Variants in SMAP1 observed in about 807,000 individuals in gnomAD.
SMAP1 encodes stromal membrane-associated protein 1.
SMAP1 carries 24 observed loss-of-function variants against 58.5 expected under a neutral mutation model. The observed-to-expected ratio is 0.41, with a 90% confidence interval of 0.30 to 0.58. SMAP1 has a LOEUF of 0.58. SMAP1 is among the 20% of genes least tolerant of loss of function. SMAP1 has a pLI of 0.29. For synonymous variants in SMAP1, 216 were observed against 196.6 expected, an observed-to-expected ratio of 1.10 and a Z score of -0.82; for missense variants, 563 against 566.3, an observed-to-expected ratio of 0.99 and a Z score of 0.06.
Position 70,667,985 on chromosome 6 carries a change from C to T in SMAP1, c.-39C>T, listed in dbSNP as rs1254821622. 3.3e-6 allele frequency: 5 copies of T among 1,534,496 alleles called. No individual in the cohort carries two copies. The highest frequency in any genetic ancestry group is 4.4e-6 in the Non-Finnish European group (5 of 1,137,302). Reference sequence around the variant, plus strand: ...GCCCGGCTCCAGCCAGCGTCCGCCGCCGCCGTAGCTGCCCCAGGCTCCCCG... The same window carrying T: ...GCCCGGCTCCAGCCAGCGTCCGCCGTCGCCGTAGCTGCCCCAGGCTCCCCG... On this transcript the variant is annotated 5_prime_UTR_variant, in exon 1 of 11. Coordinates refer to ENST00000370455, the MANE Select transcript of SMAP1 (RefSeq NM_001044305.3).
chr6:70,848,769 TA>T (rs1771081127), intron 7 of SMAP1, among the ~76,000 whole-genome samples: 1 of 152,202 alleles, frequency 6.6e-6, no homozygotes. Context: ...CACTGAAAAT[TA>T]AAAACACAAT....
At chr6:70,816,843 A>G (rs1769650430) in intron 6 of SMAP1, among the ~76,000 whole-genome samples, 1 of 152,170 alleles carries the variant, frequency 6.6e-6, no homozygotes, top group African/African-American at 2.4e-5. Flanking sequence ...AAAACTAATG[A>G]TTAGGCGTTA....
chr6:70,780,658 G>A (rs939428066), intron 4 of SMAP1, among the ~76,000 whole-genome samples: 5 of 152,200 alleles, frequency 3.3e-5, no homozygotes, highest in Non-Finnish European at 1.5e-5. Flanking sequence ...ACAATGGGAA[G>A]CAAAGTATTT....
intron 6 of SMAP1, among the ~76,000 whole-genome samples, chr6:70,804,847 T>G (rs1462709842): frequency 6.6e-6 from 1 of 152,202 alleles, no homozygotes; most frequent in East Asian, 1.9e-4. Context: ...TGGCCTATAG[T>G]GTTTCTGCTG....
At chr6:70,754,934 CTT>C (rs764351540) in intron 2 of SMAP1, 44 bp from the exon 3 acceptor site, 1 of 1,258,676 alleles carries the variant, frequency 7.9e-7, no homozygotes, top group Non-Finnish European at 1.1e-6. Flanking sequence ...GCAGGAATCA[CTT>C]TTTAATGTTT....
At chr6:70,846,870 T>C (rs1771009477) in intron 7 of SMAP1, among the ~76,000 whole-genome samples, 1 of 152,146 alleles carries the variant, frequency 6.6e-6, no homozygotes. Flanking sequence ...GGGTGCACCA[T>C]TGAGACCCGT....
rs115449944 is a variant in SMAP1 at position 70,828,105 on chromosome 6, A to G, written c.577-8836A>G. 3.9e-3 allele frequency among the ~76,000 whole-genome samples: 597 copies of G among 152,266 alleles called. 3 individuals carry two copies. Among genetic ancestry groups the G allele is most frequent in the African/African-American group, 0.014 (581 of 41,574 alleles). On this transcript the variant is annotated intron_variant, in intron 6 of 10. Coordinates refer to ENST00000370455, the MANE Select transcript of SMAP1 (RefSeq NM_001044305.3). ...CAGTTTTGAAAGCATACAAATACAA[A>G]CAGATATAGTAATTATAGCTATCAA...
At chr6:70,802,902 GT>G (rs1562172063) in intron 6 of SMAP1, among the ~76,000 whole-genome samples, 1 of 152,040 alleles carries the variant, frequency 6.6e-6, no homozygotes, top group Admixed American at 6.5e-5. Context: ...GCTGGATTCG[GT>G]TTGCCAGTAT....
At chr6:70,852,210 T>A (rs1457485685) in intron 7 of SMAP1, among the ~76,000 whole-genome samples, 2 of 152,074 alleles carry the variant, frequency 1.3e-5, no homozygotes, top group African/African-American at 4.8e-5. Flanking sequence ...GAACAGTGCC[T>A]GGCATATAGG....
chr6:70,668,200 G>T (rs1766111304), intron 1 of SMAP1, 59 bp downstream of exon 1: 4 of 1,453,016 alleles, frequency 2.8e-6, no homozygotes, highest in Non-Finnish European at 2.8e-6. Context: ...TGACCTTCCC[G>T]CCGCTGCGGC....
chr6:70,851,427 A>G (rs1183649215), intron 7 of SMAP1, among the ~76,000 whole-genome samples: 2 of 152,222 alleles, frequency 1.3e-5, no homozygotes, highest in African/African-American at 4.8e-5. Flanking sequence ...TACCCCATTC[A>G]TTGTTGAAAA....
Position 70,769,350 on chromosome 6 carries a change from G to A in SMAP1, c.339-4000G>A, listed in dbSNP as rs998740068. On this transcript the variant is annotated intron_variant, in intron 3 of 10. Transcript: ENST00000370455. ...TGATCTGTCTAATGTTGACAGTGGG[G>A]TGTTAAAGTCTCCCATTATTATTGT... 2.4e-4 allele frequency among the ~76,000 whole-genome samples: 36 copies of A among 152,134 alleles called. 1 individual carries two copies. The highest frequency in any genetic ancestry group is 3.4e-4 in the Non-Finnish European group (23 of 68,030).
chr6:70,768,861 C>A (rs1767131420), intron 3 of SMAP1, among the ~76,000 whole-genome samples: 1 of 152,086 alleles, frequency 6.6e-6, no homozygotes, highest in African/African-American at 2.4e-5. Flanking sequence ...ACTTTTGGAT[C>A]TTTCCTGCTT....
chr6:70,747,257 A>G (rs1400130844), intron 2 of SMAP1, among the ~76,000 whole-genome samples: 1 of 152,180 alleles, frequency 6.6e-6, no homozygotes, highest in Non-Finnish European at 1.5e-5. Flanking sequence ...ATGTATCACT[A>G]TTATTTGTAT....
At chr6:70,757,724 C>T (rs1328347152) in intron 3 of SMAP1, among the ~76,000 whole-genome samples, 2 of 152,176 alleles carry the variant, frequency 1.3e-5, no homozygotes, top group Non-Finnish European at 1.5e-5. Flanking sequence ...TGAACAGACA[C>T]TTCTCAAAAG....
intron 2 of SMAP1, among the ~76,000 whole-genome samples, chr6:70,747,266 A>G (rs921379305): frequency 6.6e-6 from 1 of 152,220 alleles, no homozygotes; most frequent in Non-Finnish European, 1.5e-5. Flanking sequence ...TATTATTTGT[A>G]TAGTAACCTT....
At chr6:70,740,465 C>CAA (rs58740346) in intron 2 of SMAP1, among the ~76,000 whole-genome samples, 2 of 71,516 alleles carry the variant, frequency 2.8e-5, no homozygotes, top group Non-Finnish European at 2.6e-5. Flanking sequence ...GACTCCATCT[C>CAA]AAAAAAAAAA....
intron 2 of SMAP1, among the ~76,000 whole-genome samples, chr6:70,740,479 CAAAAA>C (rs34150685): frequency 1.4e-5 from 2 of 146,464 alleles, no homozygotes; most frequent in Admixed American, 6.8e-5. Context: ...AAAAAAAAAA[CAAAAA>C]AAAAACCCAA....
chr6:70,680,273 A>G (rs1475230040), intron 1 of SMAP1, among the ~76,000 whole-genome samples: 2 of 152,236 alleles, frequency 1.3e-5, no homozygotes, highest in African/African-American at 4.8e-5. Context: ...GGGACCTTGA[A>G]TTAAGCAGAG....
Sources: allele counts gnomAD v4.1 joint callset (sites outside exome capture counted in the v4.1 genomes callset), GRCh38; gene constraint gnomAD v4.1.1; transcripts MANE v1.5; gene names NCBI Gene and HGNC (gene_info 2026-07-23, HGNC 2026-07-21).